The following TMLHE variants were observed in gnomAD, a reference collection of about 807,000 sequenced individuals.
The protein encoded by TMLHE is trimethyllysine dioxygenase, mitochondrial.
In TMLHE, 18 loss-of-function variants were observed where a neutral mutation model predicts 25.7. The observed-to-expected ratio is 0.70, with a 90% CI of 0.48 to 1.04. The LOEUF (loss-of-function observed/expected upper bound fraction) is 1.04. TMLHE is among the 50% of genes least tolerant of loss of function. The probability of loss-of-function intolerance (pLI) is 0.00; values close to 1 mark genes in which losing one functional copy is unlikely to be tolerated. For missense variants in TMLHE, 236 were observed against 259.0 expected (o/e 0.91, Z 0.61); for synonymous variants, 105 against 97.0 (o/e 1.08, Z -0.49).
intron 2 of TMLHE, among the ~76,000 whole-genome samples, chrX:155,526,471 C>T (rs1294042110): frequency 1.8e-5 from 2 of 112,838 alleles, no homozygotes; most frequent in Non-Finnish European, 3.8e-5. Context: ...AAGTCTATTG[C>T]AGGGGCAGAG....
intron 1 of TMLHE, 71 bp downstream of exon 1, chrX:155,612,721 G>C (rs1463886332): frequency 1.8e-5 from 2 of 112,548 alleles, no homozygotes; most frequent in African/African-American, 6.5e-5. Context: ...GCCTGAAAGC[G>C]AGCGCCTGGG....
intron 1 of TMLHE, among the ~76,000 whole-genome samples, chrX:155,596,995 G>A (rs1048258291): frequency 7.6e-5 from 8 of 105,770 alleles, no homozygotes; most frequent in South Asian, 4.5e-4. Context: ...GTCATTTAGC[G>A]TTAGGTATAT....
At chrX:155,556,239 A>T (rs5940520) in intron 1 of TMLHE, among the ~76,000 whole-genome samples, 2 of 22,531 alleles carry the variant, frequency 8.9e-5, no homozygotes, top group Admixed American at 4.7e-4. Flanking sequence ...TCAGCCAACC[A>T]GAAAGGAATG....
At chrX:155,545,515 A>C (rs2124411991) in intron 1 of TMLHE, among the ~76,000 whole-genome samples, 1 of 111,923 alleles carries the variant, frequency 8.9e-6, no homozygotes, top group East Asian at 2.8e-4. Flanking sequence ...CCTACTACCT[A>C]ACTGAAGCAG....
At chrX:155,608,900 C>T (rs1280761881) in intron 1 of TMLHE, among the ~76,000 whole-genome samples, 1 of 111,668 alleles carries the variant, frequency 9.0e-6, no homozygotes, top group Middle Eastern at 4.2e-3. Flanking sequence ...CAGATGTTGG[C>T]GATGGTGCAA....
intron 6 of TMLHE, 139 bp downstream of exon 6, chrX:155,506,759 C>A (rs1474632177): frequency 1.9e-6 from 1 of 525,138 alleles, no homozygotes; most frequent in African/African-American, 2.4e-5. Flanking sequence ...AAGAAGAATA[C>A]AAACTGTTTG....
chrX:155,558,840 A>C (rs1430688719), intron 1 of TMLHE, among the ~76,000 whole-genome samples: 1 of 111,731 alleles, frequency 9.0e-6, no homozygotes, highest in Non-Finnish European at 1.9e-5. Flanking sequence ...AGTCTTGCTG[A>C]AATTTCATTC....
intron 1 of TMLHE, among the ~76,000 whole-genome samples, chrX:155,548,408 C>G (rs1013616073): frequency 2.7e-5 from 3 of 111,639 alleles, no homozygotes; most frequent in Admixed American, 9.5e-5. Flanking sequence ...GAAATTCACA[C>G]AACTGACAAA....
At chrX:155,576,428 T>C (rs1557343785) in intron 1 of TMLHE, among the ~76,000 whole-genome samples, 1 of 111,752 alleles carries the variant, frequency 8.9e-6, no homozygotes, top group African/African-American at 3.3e-5. Flanking sequence ...AAAATGGCCA[T>C]ACTACCCAAA....
rs2067113939 is a variant in TMLHE, at chrX:155,511,665, C to T, written c.758+8G>A. 2 of 1,189,300 alleles carry T rather than the reference C, an allele frequency of 1.7e-6. No homozygotes were observed. Among genetic ancestry groups the T allele is most frequent in the Non-Finnish European group, 2.3e-6 (2 of 881,658 alleles). ...AGACTTTACACTGTAAAAGTCTAATCCACCTACCCACAGGGCTCTTGAAAA... is the reference window on the plus strand; with the variant it reads ...AGACTTTACACTGTAAAAGTCTAATTCACCTACCCACAGGGCTCTTGAAAA... On this transcript the variant is annotated splice_region_variant and intron_variant, in intron 5 of 7. Coordinates refer to ENST00000334398, the MANE Select transcript of TMLHE (RefSeq NM_018196.4).
chrX:155,611,017 C>G (rs1228769540), intron 1 of TMLHE, among the ~76,000 whole-genome samples: 2 of 111,717 alleles, frequency 1.8e-5, no homozygotes, highest in African/African-American at 6.5e-5. Context: ...CAGGTCCTGC[C>G]AAATAGCCAA....
At chrX:155,559,463 G>A (rs924703975) in intron 1 of TMLHE, among the ~76,000 whole-genome samples, 1 of 111,206 alleles carries the variant, frequency 9.0e-6, no homozygotes. Context: ...ATAATTTGCT[G>A]TTTCATTGTC....
At chrX:155,555,220 T>C (rs1569562135) in intron 1 of TMLHE, among the ~76,000 whole-genome samples, 1 of 110,632 alleles carries the variant, frequency 9.0e-6, no homozygotes, top group Non-Finnish European at 1.9e-5. Context: ...TCATTGTTTA[T>C]GGCTGCATAG....
At chrX:155,513,675 G>A (rs1208416915) in intron 4 of TMLHE, among the ~76,000 whole-genome samples, 1 of 109,809 alleles carries the variant, frequency 9.1e-6, no homozygotes, top group Non-Finnish European at 1.9e-5. Context: ...GTAGAACTCA[G>A]ACTACTATCC....
At chrX:155,597,179 T>G (rs1170197618) in intron 1 of TMLHE, among the ~76,000 whole-genome samples, 1 of 109,528 alleles carries the variant, frequency 9.1e-6, no homozygotes, top group Admixed American at 9.7e-5. Flanking sequence ...GTTTCCAGCT[T>G]CATCCATGTC....
intron 1 of TMLHE, among the ~76,000 whole-genome samples, chrX:155,596,085 A>C (rs1465213257): frequency 8.9e-6 from 1 of 112,191 alleles, no homozygotes; most frequent in Non-Finnish European, 1.9e-5. Context: ...TCAAGATTTA[A>C]GGCAGGAATG....
At chrX:155,596,876 T>C (rs1209711545) in intron 1 of TMLHE, among the ~76,000 whole-genome samples, 2 of 111,382 alleles carry the variant, frequency 1.8e-5, no homozygotes, top group Non-Finnish European at 3.8e-5. Context: ...TTCTTTTTTT[T>C]TAAATTCTAT....
chrX:155,539,968 C>T (rs1336390460), intron 2 of TMLHE, among the ~76,000 whole-genome samples: 9 of 108,670 alleles, frequency 8.3e-5, no homozygotes, highest in African/African-American at 3.0e-4. Context: ...GTAAACTCAT[C>T]GATAGGGCTT....
chrX:155,545,869 A>G (rs1302431324), intron 1 of TMLHE, among the ~76,000 whole-genome samples: 1 of 111,188 alleles, frequency 9.0e-6, no homozygotes, highest in Non-Finnish European at 1.9e-5. Context: ...TTAACACTCT[A>G]GGATGTTCAT....
Sources: allele counts gnomAD v4.1 joint callset (sites outside exome capture counted in the v4.1 genomes callset), GRCh38; gene constraint gnomAD v4.1.1; transcripts MANE v1.5; gene names NCBI Gene and HGNC (gene_info 2026-07-23, HGNC 2026-07-21).